The following EPB41 variants were observed in gnomAD, a reference collection of about 807,000 sequenced individuals.
EPB41 encodes the protein protein 4.1.
In EPB41, 65 loss-of-function variants were observed where a neutral mutation model predicts 108.0. That is an observed-to-expected ratio of 0.60 (90% CI 0.49 to 0.74). The LOEUF (loss-of-function observed/expected upper bound fraction) is 0.74, where lower values mean the gene tolerates loss of function less well. EPB41 is among the 30% of genes least tolerant of loss of function. EPB41 has a pLI of 0.00. For synonymous variants in EPB41, 336 were observed against 358.9 expected (o/e 0.94, Z 0.72); for missense variants, 875 against 1,037.0 (o/e 0.84, Z 2.15).
At chr1:28,903,323 TTTC>T (rs1381987036) in intron 1 of EPB41, among the ~76,000 whole-genome samples, 5 of 117,784 alleles carry the variant, frequency 4.2e-5, no homozygotes, top group Admixed American at 1.6e-4. Flanking sequence ...TTTTCTTTTC[TTTC>T]TTTTTTTTTT....
chr1:29,015,231 G>A (rs2096562337), intron 5 of EPB41, among the ~76,000 whole-genome samples: 1 of 151,778 alleles, frequency 6.6e-6, no homozygotes, highest in African/African-American at 2.4e-5. Flanking sequence ...TATCCACCAA[G>A]CATGAAAATA....
At chr1:28,892,564 A>G (rs963968499) in intron 1 of EPB41, among the ~76,000 whole-genome samples, 4 of 151,986 alleles carry the variant, frequency 2.6e-5, no homozygotes, top group Non-Finnish European at 4.4e-5. Flanking sequence ...TCTACTAAAA[A>G]TACAAAAATA....
At chr1:29,035,984 C>T (rs1639276774) in intron 10 of EPB41, 61 bp downstream of exon 10, 1 of 1,314,486 alleles carries the variant, frequency 7.6e-7, no homozygotes. Flanking sequence ...CTATTTTAAG[C>T]CTGCTATTAA....
rs191392208 is a variant in EPB41, at chr1:28,959,572, A to G, written c.-7-27859A>G. ...AACTGATGAATAAAAGAGTGATAGG[A>G]TTAAATCTTTGTTTGGAAGAGAAAA... On this transcript the variant is annotated intron_variant, in intron 1 of 20. Coordinates refer to ENST00000343067, the MANE Select transcript of EPB41 (RefSeq NM_001376013.1). Among the ~76,000 whole-genome samples the G allele has an allele frequency of 3.7e-3, 569 of 152,254 alleles. 6 individuals are homozygous for G. The highest frequency in any genetic ancestry group is 0.013 in the African/African-American group (530 of 41,554).
At position 29,028,128 on chromosome 1, in the gene EPB41, C is replaced by T. The variant is rs75342104; in HGVS notation, c.1125-2272C>T. On this transcript the variant is annotated intron_variant, in intron 7 of 20. Coordinates refer to ENST00000343067, the MANE Select transcript of EPB41 (RefSeq NM_001376013.1). Reference sequence around the variant, plus strand: ...CGTGAGCCACCGCGCCAGGCCTGATCTCTCCTTATTTTTTAAAGCATGCTT... The same window carrying T: ...CGTGAGCCACCGCGCCAGGCCTGATTTCTCCTTATTTTTTAAAGCATGCTT... Among the ~76,000 whole-genome samples, 284 of 152,210 alleles carry T rather than the reference C, an allele frequency of 1.9e-3. 9 individuals are homozygous for T. The East Asian group carries it at 0.052, about 28-fold the overall frequency.
chr1:29,010,114 A>G (rs1387039371), intron 4 of EPB41, among the ~76,000 whole-genome samples: 2 of 152,120 alleles, frequency 1.3e-5, no homozygotes, highest in Non-Finnish European at 2.9e-5. Flanking sequence ...AGGTGGGCAG[A>G]TCACTTGAGG....
chr1:28,888,917 G>A (rs1178890118), intron 1 of EPB41, among the ~76,000 whole-genome samples: 1 of 152,186 alleles, frequency 6.6e-6, no homozygotes, highest in Admixed American at 6.5e-5. Flanking sequence ...GTGAGCCACC[G>A]CGCCAGGCCG....
chr1:28,909,786 G>A (rs546144851), upstream of EPB41, among the ~76,000 whole-genome samples: 1 of 151,794 alleles, frequency 6.6e-6, no homozygotes, highest in South Asian at 2.1e-4. Flanking sequence ...GACAGAGTGA[G>A]ATCTTGTCTC....
chr1:29,110,182 CA>C (rs35536525), intron 18 of EPB41, among the ~76,000 whole-genome samples: 52 of 145,302 alleles, frequency 3.6e-4, no homozygotes, highest in Middle Eastern at 3.6e-3. Flanking sequence ...CAAAAAAATA[CA>C]AAAAAAAAAA....
At position 29,115,408 on chromosome 1, in the gene EPB41, T is replaced by TAAAAAA. The variant is rs1201859469; in HGVS notation, c.2497-286_2497-281dup. 8.2e-5 allele frequency among the ~76,000 whole-genome samples: 12 copies of TAAAAAA among 147,212 alleles called. No homozygotes were observed. The highest frequency in any genetic ancestry group is 2.8e-4 in the African/African-American group (11 of 39,924). On this transcript the variant is annotated intron_variant, in intron 19 of 20. Transcript: ENST00000343067. The surrounding 1 kb of genome is among the most constrained non-coding windows in gnomAD (Gnocchi z 4.4). ...ACTCCATCTCAACAACAACAAAAAATAAAAAAAAAATAAAGGATCATATAA... is the reference window on the plus strand; with the variant it reads ...ACTCCATCTCAACAACAACAAAAAATAAAAAAAAAAAAAAAATAAAGGATCATATAA...
chr1:29,068,799 T>C (rs1415849486), intron 16 of EPB41: 1 of 1,231,964 alleles, frequency 8.1e-7, no homozygotes, highest in Non-Finnish European at 1.0e-6. Flanking sequence ...GCTGCTGTTA[T>C]GACTTGTGCT....
At chr1:29,092,442 T>C (rs1267331338) in intron 16 of EPB41, among the ~76,000 whole-genome samples, 1 of 152,172 alleles carries the variant, frequency 6.6e-6, no homozygotes, top group Non-Finnish European at 1.5e-5. Context: ...TGTAATATGG[T>C]CAAAGGCTCT....
At chr1:29,096,631 C>G (rs1468642998) in intron 16 of EPB41, 1 of 974,158 alleles carries the variant, frequency 1.0e-6, no homozygotes, top group African/African-American at 1.8e-5. Flanking sequence ...TGATGCAGGT[C>G]TAATGACTGT....
chr1:28,951,239 A>G (rs2094706452), intron 1 of EPB41, among the ~76,000 whole-genome samples: 1 of 152,140 alleles, frequency 6.6e-6, no homozygotes, highest in Admixed American at 6.6e-5. Context: ...AAATATATCT[A>G]TAAAAGCTGA....
intron 4 of EPB41, among the ~76,000 whole-genome samples, chr1:28,999,741 A>T (rs947923221): frequency 2.6e-5 from 4 of 151,952 alleles, no homozygotes; most frequent in African/African-American, 7.2e-5. Flanking sequence ...CATTGTTGGG[A>T]TTTATATTCT....
intron 1 of EPB41, among the ~76,000 whole-genome samples, chr1:28,946,807 C>T (rs984486712): frequency 6.6e-6 from 1 of 152,154 alleles, no homozygotes; most frequent in Non-Finnish European, 1.5e-5. Context: ...CTAGGGTTCA[C>T]TGGTCTGGTT....
intron 1 of EPB41, among the ~76,000 whole-genome samples, chr1:28,948,931 C>T (rs1047754333): frequency 2.0e-5 from 3 of 152,124 alleles, no homozygotes; most frequent in Admixed American, 1.3e-4. Flanking sequence ...GCCTGGGTGA[C>T]GGAGCGAGAC....
intron 1 of EPB41, among the ~76,000 whole-genome samples, chr1:28,968,280 G>A (rs2095410954): frequency 6.6e-6 from 1 of 151,208 alleles, no homozygotes; most frequent in South Asian, 2.1e-4. Flanking sequence ...TCTTGAACCC[G>A]GGAGGTGGAG....
At chr1:29,106,564 ATT>A (rs1187973613) in intron 17 of EPB41, among the ~76,000 whole-genome samples, 3 of 50,892 alleles carry the variant, frequency 5.9e-5, no homozygotes, top group African/African-American at 8.5e-5. Context: ...AGTAGCTGGG[ATT>A]TTTTTTTTTT....
Sources: gnomAD v4.1 joint callset for allele counts (sites outside exome capture counted in the v4.1 genomes callset) on GRCh38, gnomAD v4.1.1 for gene constraint, Gnocchi (gnomAD v3.1) non-coding constraint, MANE v1.5 for transcripts, NCBI Gene and HGNC (gene_info 2026-07-23, HGNC 2026-07-21) for gene names.